Variants in PRKG1 observed in about 807,000 individuals in gnomAD.
PRKG1 encodes the protein protein kinase cGMP-dependent 1.
PRKG1 carries 35 observed loss-of-function variants against 88.1 expected under a neutral mutation model. That is an observed-to-expected ratio of 0.40 (90% CI 0.30 to 0.53). The LOEUF is 0.53. Ranked by LOEUF, PRKG1 falls within the 20% of genes least tolerant of loss-of-function variation. The probability of loss-of-function intolerance (pLI) is 0.59; values close to 1 mark genes in which losing one functional copy is unlikely to be tolerated. For missense variants in PRKG1, 540 were observed against 839.8 expected, an observed-to-expected ratio of 0.64 and a Z score of 4.41; for synonymous variants, 303 against 292.5, an observed-to-expected ratio of 1.04 and a Z score of -0.37.
intron 5 of PRKG1, among the ~76,000 whole-genome samples, chr10:51,967,947 T>G (rs185957317): frequency 6.6e-6 from 1 of 152,366 alleles, no homozygotes; most frequent in East Asian, 1.9e-4. Flanking sequence ...CCAGCCATTC[T>G]CAGTGATTCT....
At chr10:51,651,173 T>A (rs546398796) in intron 3 of PRKG1, among the ~76,000 whole-genome samples, 13 of 152,272 alleles carry the variant, frequency 8.5e-5, no homozygotes, top group Non-Finnish European at 1.6e-4. Context: ...TTGGAAACTG[T>A]CATTGGTTTC....
intron 14 of PRKG1, among the ~76,000 whole-genome samples, chr10:52,284,563 A>G (rs1842071272): frequency 6.6e-6 from 1 of 152,048 alleles, no homozygotes; most frequent in Admixed American, 6.6e-5. Flanking sequence ...AAGTTCCACA[A>G]AACACACCTG....
chr10:52,206,194 A>G (rs1589699323), intron 9 of PRKG1, among the ~76,000 whole-genome samples: 1 of 152,138 alleles, frequency 6.6e-6, no homozygotes, highest in Non-Finnish European at 1.5e-5. Flanking sequence ...AGCTTGGTCT[A>G]TTCTGCTGTT....
At chr10:52,258,110 T>C (rs1436742208) in intron 10 of PRKG1, among the ~76,000 whole-genome samples, 1 of 139,784 alleles carries the variant, frequency 7.2e-6, no homozygotes, top group African/African-American at 2.5e-5. Context: ...AAATTTTATA[T>C]ATTAGCAATC....
intron 4 of PRKG1, among the ~76,000 whole-genome samples, chr10:51,882,675 T>C (rs1165739908): frequency 6.6e-6 from 1 of 152,196 alleles, no homozygotes; most frequent in Non-Finnish European, 1.5e-5. Flanking sequence ...TTCAGAGCTT[T>C]TTCTTTTCCC....
At chr10:51,170,771 G>A (rs1350556840) in intron 2 of PRKG1, among the ~76,000 whole-genome samples, 1 of 124,192 alleles carries the variant, frequency 8.1e-6, no homozygotes, top group Non-Finnish European at 1.7e-5. Flanking sequence ...GGGTGGGGGG[G>A]TGGGGGAGTT....
chr10:51,971,232 T>C (rs371192451), intron 5 of PRKG1, among the ~76,000 whole-genome samples: 2 of 152,080 alleles, frequency 1.3e-5, no homozygotes, highest in African/African-American at 4.8e-5. Flanking sequence ...TTTCTTAACG[T>C]GGGTTGTGCT....
intron 2 of PRKG1, among the ~76,000 whole-genome samples, chr10:51,239,694 G>A (rs1839099513): frequency 6.6e-6 from 1 of 152,144 alleles, no homozygotes; most frequent in South Asian, 2.1e-4. Flanking sequence ...GAAATGGTTT[G>A]AGTACGTGGG....
chr10:51,863,329 T>A (rs931327611), intron 4 of PRKG1, among the ~76,000 whole-genome samples: 1 of 152,198 alleles, frequency 6.6e-6, no homozygotes, highest in African/African-American at 2.4e-5. Context: ...ATCTTGACAG[T>A]GTTCACCTGG....
Position 51,055,038 on chromosome 10 carries a change from T to G in PRKG1, c.266+63394T>G, listed in dbSNP as rs138356175. Among the ~76,000 whole-genome samples, 6 of 152,286 alleles carry G rather than the reference T, an allele frequency of 3.9e-5. No individual in the cohort carries two copies. In the East Asian group the frequency reaches 1.2e-3, roughly 29 times the overall value. On this transcript the variant is annotated intron_variant, in intron 1 of 17. Transcript: ENST00000401604. ...TATTCATGATCCCCTTCCTTTAATTTCCCCTGTATCCCTGACCATATTCCA... is the reference window on the plus strand; with the variant it reads ...TATTCATGATCCCCTTCCTTTAATTGCCCCTGTATCCCTGACCATATTCCA...
chr10:51,794,301 T>G (rs1035813470), intron 3 of PRKG1, among the ~76,000 whole-genome samples: 1 of 152,066 alleles, frequency 6.6e-6, no homozygotes, highest in Admixed American at 6.6e-5. Flanking sequence ...GGACAGATCA[T>G]ACAGACAGAA....
At chr10:51,834,298 G>C (rs960311554) in intron 4 of PRKG1, among the ~76,000 whole-genome samples, 1 of 151,950 alleles carries the variant, frequency 6.6e-6, no homozygotes, top group African/African-American at 2.4e-5. Flanking sequence ...CAAGAACTTA[G>C]ATGAGTTTTG....
At position 51,895,767 on chromosome 10, in the gene PRKG1, T is replaced by C. The variant is rs138216479; in HGVS notation, c.699-11740T>C. ...AGATAAGGTGCTTCTTATGTATTTT[T>C]AAAGCCTAGATTCATTGGAATCTAA... is the stretch of plus-strand genomic sequence containing the variant. On this transcript the variant is annotated intron_variant, in intron 4 of 17. Coordinates refer to ENST00000373980, the MANE Select transcript of PRKG1 (RefSeq NM_006258.4). Among the ~76,000 whole-genome samples, 49 of 152,244 alleles carry C rather than the reference T, an allele frequency of 3.2e-4. 1 individual carries two copies. In the East Asian group the frequency reaches 9.3e-3, roughly 29 times the overall value.
At chr10:51,818,005 A>G (rs1589316039) in intron 4 of PRKG1, among the ~76,000 whole-genome samples, 4 of 152,282 alleles carry the variant, frequency 2.6e-5, no homozygotes, top group Admixed American at 2.0e-4. Context: ...AATGTGTCCA[A>G]TTCATATTTT....
At chr10:51,092,796 T>C (rs1024000869) in intron 1 of PRKG1, among the ~76,000 whole-genome samples, 23 of 152,220 alleles carry the variant, frequency 1.5e-4, no homozygotes, top group Non-Finnish European at 2.5e-4. Flanking sequence ...AACTGTTCCA[T>C]GTGTTTACAG....
At chr10:51,739,686 C>T (rs1158349486) in intron 3 of PRKG1, among the ~76,000 whole-genome samples, 1 of 151,922 alleles carries the variant, frequency 6.6e-6, no homozygotes, top group Non-Finnish European at 1.5e-5. Flanking sequence ...TTCCAAAAAC[C>T]ACTAGGCCAG....
chr10:51,783,816 G>A (rs187135679), intron 3 of PRKG1, among the ~76,000 whole-genome samples: 19 of 152,198 alleles, frequency 1.2e-4, no homozygotes, highest in Middle Eastern at 3.4e-3. Context: ...CTTCACCATA[G>A]AGCCTTCAAT....
chr10:52,144,958 T>C (rs992850615), intron 8 of PRKG1, among the ~76,000 whole-genome samples: 1 of 152,162 alleles, frequency 6.6e-6, no homozygotes, highest in Admixed American at 6.6e-5. Flanking sequence ...AAATAATAGA[T>C]GTATGTAATA....
At chr10:51,110,608 C>CT (rs1174065746) in intron 1 of PRKG1, among the ~76,000 whole-genome samples, 1 of 152,020 alleles carries the variant, frequency 6.6e-6, no homozygotes, top group East Asian at 1.9e-4. Flanking sequence ...ATTATCTTGA[C>CT]TGTGGTGATG....
Sources: allele counts gnomAD v4.1 joint callset (sites outside exome capture counted in the v4.1 genomes callset), GRCh38; gene constraint gnomAD v4.1.1; transcripts MANE v1.5; gene names NCBI Gene and HGNC (gene_info 2026-07-23, HGNC 2026-07-21).